Variants in UBE2H observed in about 807,000 individuals in gnomAD.
UBE2H encodes the protein ubiquitin conjugating enzyme E2 H.
UBE2H carries 3 observed loss-of-function variants against 29.0 expected under a neutral mutation model. That is an observed-to-expected ratio of 0.10 (90% confidence interval 0.05 to 0.27). The LOEUF is 0.27. Ranked by LOEUF, UBE2H falls within the 10% of genes least tolerant of loss-of-function variation. The pLI, the probability that UBE2H is intolerant of heterozygous loss-of-function variation, is 1.00. For missense variants in UBE2H, 68 were observed against 228.2 expected, an observed-to-expected ratio of 0.30 and a Z score of 4.52; for synonymous variants, 69 against 82.9, an observed-to-expected ratio of 0.83 and a Z score of 0.91.
At chr7:129,889,814 T>C (rs1806436959) in intron 1 of UBE2H, among the ~76,000 whole-genome samples, 1 of 151,868 alleles carries the variant, frequency 6.6e-6, no homozygotes, top group Non-Finnish European at 1.5e-5. Context: ...CAAAACCCAG[T>C]CTCCACAAAA....
chr7:129,858,964 G>C (rs772903725), intron 3 of UBE2H, 23 bp from the exon 4 acceptor site: 2 of 1,593,152 alleles, frequency 1.3e-6, no homozygotes, highest in Non-Finnish European at 1.7e-6. Flanking sequence ...ATGTTAATTA[G>C]CAGCAAAAAG....
At chr7:129,873,147 T>G (rs139160160) in intron 3 of UBE2H, among the ~76,000 whole-genome samples, 169 of 151,658 alleles carry the variant, frequency 1.1e-3, no homozygotes, top group African/African-American at 3.7e-3. Flanking sequence ...GCCTCCCAAG[T>G]AGCTGGGAAT....
In UBE2H at chr7:129,905,693, C is replaced by A. The variant is rs117735823; in HGVS notation, c.54-24722G>T. Among the ~76,000 whole-genome samples, 931 of 152,284 alleles carry A rather than the reference C, an allele frequency of 6.1e-3. 7 individuals carry two copies. The highest frequency in any genetic ancestry group is 8.4e-3 in the Non-Finnish European group (573 of 68,024). On this transcript the variant is annotated intron_variant, in intron 1 of 6. Transcript: ENST00000355621. ...CAGAAAGAGAAGGAAGAGGGACAAG[C>A]CAAGGATGATTCCAATGTTTCTGGC...
At position 129,896,273 on chromosome 7, in the gene UBE2H, G is replaced by A. The variant is rs573876229; in HGVS notation, c.54-15302C>T. On this transcript the variant is annotated intron_variant, in intron 1 of 6. Transcript: ENST00000355621. Reference sequence around the variant, plus strand: ...AATCGCTTGAATCTAGGAGGCAGACGTTGCAGTGAGCCGAGATCACACCAC... The same window carrying A: ...AATCGCTTGAATCTAGGAGGCAGACATTGCAGTGAGCCGAGATCACACCAC... Among the ~76,000 whole-genome samples the A allele has an allele frequency of 4.0e-5, 6 of 150,880 alleles. No homozygotes were observed. The East Asian group carries it at 6.0e-4, about 15-fold the overall frequency.
chr7:129,942,841 G>GTT (rs200758048), intron 1 of UBE2H, among the ~76,000 whole-genome samples: 1 of 146,494 alleles, frequency 6.8e-6, no homozygotes, highest in African/African-American at 2.5e-5. Flanking sequence ...AGTGTAATGT[G>GTT]TTTTTTTTTT....
intron 3 of UBE2H, among the ~76,000 whole-genome samples, chr7:129,862,671 T>C (rs1428322304): frequency 6.6e-6 from 1 of 152,142 alleles, no homozygotes; most frequent in Non-Finnish European, 1.5e-5. Flanking sequence ...CAAAGCACAT[T>C]AGGAGCTTGC....
intron 1 of UBE2H, among the ~76,000 whole-genome samples, chr7:129,893,147 G>A (rs1318177007): frequency 6.6e-6 from 1 of 152,182 alleles, no homozygotes; most frequent in Non-Finnish European, 1.5e-5. Flanking sequence ...AAGGTTAAAT[G>A]GCAAGCATGT....
intron 1 of UBE2H, among the ~76,000 whole-genome samples, chr7:129,907,676 T>C (rs1406138874): frequency 6.6e-6 from 1 of 152,184 alleles, no homozygotes; most frequent in Non-Finnish European, 1.5e-5. Context: ...GGCAACTGTG[T>C]ATAGAAAGGT....
At chr7:129,884,340 A>C (rs191293695) in intron 1 of UBE2H, among the ~76,000 whole-genome samples, 9,388 of 149,086 alleles carry the variant, frequency 0.063, 361 homozygotes, top group Non-Finnish European at 0.092. Context: ...TGGCATGAAC[A>C]CGGGAGGTGG....
At chr7:129,873,059 G>A (rs2116353376) in intron 3 of UBE2H, among the ~76,000 whole-genome samples, 1 of 141,914 alleles carries the variant, frequency 7.0e-6, no homozygotes, top group South Asian at 2.4e-4. Context: ...TCGCTCTGTT[G>A]CCCAGGCTGG....
At position 129,880,550 on chromosome 7, in the gene UBE2H, A is replaced by C. The variant is rs149494452; in HGVS notation, c.130+345T>G. On this transcript the variant is annotated intron_variant, in intron 2 of 6. Transcript: ENST00000355621. The stretch of plus-strand genomic sequence containing the variant: ...ATAAAATACAGTATAACAACTATTT[A>C]CATAACATTTGCGTTGTGTTAGCTA... 5.0e-4 allele frequency among the ~76,000 whole-genome samples: 76 copies of C among 152,332 alleles called. 1 individual carries two copies. The South Asian group carries it at 5.6e-3, about 11-fold the overall frequency.
At chr7:129,912,841 CA>C (rs1806965515) in intron 1 of UBE2H, among the ~76,000 whole-genome samples, 1 of 152,128 alleles carries the variant, frequency 6.6e-6, no homozygotes, top group African/African-American at 2.4e-5. Flanking sequence ...TCAAGTTCAA[CA>C]AGAACTTAAA....
chr7:129,938,029 G>C (rs1383684966), intron 1 of UBE2H, among the ~76,000 whole-genome samples: 1 of 152,046 alleles, frequency 6.6e-6, no homozygotes, highest in Non-Finnish European at 1.5e-5. Context: ...CAGCCACCAA[G>C]ATAAAAGGCT....
intron 1 of UBE2H, among the ~76,000 whole-genome samples, chr7:129,949,409 G>A (rs1285020226): frequency 6.7e-6 from 1 of 149,638 alleles, no homozygotes; most frequent in Non-Finnish European, 1.5e-5. Context: ...TAGGATCTGG[G>A]CTAACTGCAA....
At chr7:129,871,563 A>T (rs1258890762) in intron 3 of UBE2H, among the ~76,000 whole-genome samples, 1 of 152,002 alleles carries the variant, frequency 6.6e-6, no homozygotes, top group Non-Finnish European at 1.5e-5. Context: ...ACAATACAAA[A>T]ATTAGCTTGG....
intron 3 of UBE2H, among the ~76,000 whole-genome samples, chr7:129,878,553 G>A (rs2116366479): frequency 6.6e-6 from 1 of 152,012 alleles, no homozygotes; most frequent in South Asian, 2.1e-4. Context: ...TGTGGTGGCA[G>A]GCACCTGTAG....
rs1360096275 is a variant in UBE2H, at chr7:129,833,035, C to A, written c.*1902G>T. On this transcript the variant is annotated 3_prime_UTR_variant, in exon 7 of 7. Coordinates refer to ENST00000355621, the MANE Select transcript of UBE2H (RefSeq NM_003344.4). ...TAGTTAATACTACCCTTCCAGCAAG[C>A]CACAGATGCTAGATGGATAACTCAG... 1 of 152,260 alleles carries A rather than the reference C, an allele frequency of 6.6e-6. No individual in the cohort carries two copies. Among genetic ancestry groups the A allele is most frequent in the Non-Finnish European group, 1.5e-5 (1 of 68,026 alleles). 9.4% of individuals were successfully genotyped at this position (152,260 alleles called of 1,614,324 possible). A position where few individuals can be genotyped will look rare whatever the true frequency, so the allele number is the denominator to read the frequency against.
chr7:129,952,321 G>C (rs1362076250), intron 1 of UBE2H, among the ~76,000 whole-genome samples, 182 bp downstream of exon 1: 1 of 152,118 alleles, frequency 6.6e-6, no homozygotes, highest in Non-Finnish European at 1.5e-5. Context: ...GAGAAAAGGC[G>C]AGCTGAAAAG....
At chr7:129,946,019 T>C (rs537626080) in intron 1 of UBE2H, among the ~76,000 whole-genome samples, 1 of 152,088 alleles carries the variant, frequency 6.6e-6, no homozygotes, top group South Asian at 2.1e-4. Flanking sequence ...GTGCTGGATG[T>C]ATAGGCATGA....
Sources: allele counts gnomAD v4.1 joint callset (sites outside exome capture counted in the v4.1 genomes callset), GRCh38; gene constraint gnomAD v4.1.1; transcripts MANE v1.5; gene names NCBI Gene and HGNC (gene_info 2026-07-23, HGNC 2026-07-21).